Variants in NREP observed in about 807,000 individuals in gnomAD.
The protein encoded by NREP is neuronal regeneration related protein, also known as neuronal regeneration-related protein.
NREP carries 5 observed loss-of-function variants against 8.6 expected under a neutral mutation model. The ratio of observed to expected loss-of-function variants is 0.58; its 90% confidence interval spans 0.30 to 1.22. NREP has a LOEUF of 1.22. Ranked by LOEUF, NREP falls within the 50% of genes most tolerant of loss-of-function variation. The probability of loss-of-function intolerance (pLI) is 0.07; values close to 1 mark genes in which losing one functional copy is unlikely to be tolerated. For missense variants in NREP, 86 were observed against 82.5 expected (o/e 1.04, Z -0.17); for synonymous variants, 27 against 28.0 (o/e 0.96, Z 0.11).
At chr5:111,857,459 G>GA (rs1191509706) in intron 2 of NREP, among the ~76,000 whole-genome samples, 1 of 152,110 alleles carries the variant, frequency 6.6e-6, no homozygotes, top group Non-Finnish European at 1.5e-5. Context: ...ATCACGTAGT[G>GA]AAAAAATGAA....
At chr5:111,917,960 C>A (rs187979543) in intron 2 of NREP, among the ~76,000 whole-genome samples, 30 of 152,156 alleles carry the variant, frequency 2.0e-4, no homozygotes, top group African/African-American at 6.5e-4. Context: ...TTAGAAAACC[C>A]CATCATCTCA....
At chr5:111,969,141 C>CCAGAG (rs1423765402) in intron 2 of NREP, among the ~76,000 whole-genome samples, 7 of 152,134 alleles carry the variant, frequency 4.6e-5, no homozygotes, top group African/African-American at 1.4e-4. Context: ...AGATTGCCAG[C>CCAGAG]CTAAAAATGT....
At chr5:111,893,666 T>C (rs1462281493) in intron 2 of NREP, among the ~76,000 whole-genome samples, 1 of 150,548 alleles carries the variant, frequency 6.6e-6, no homozygotes, top group African/African-American at 2.4e-5. Context: ...ACAAGTTAAA[T>C]TGGTTAAGGG....
chr5:111,888,348 G>A (rs1443215588), intron 2 of NREP, among the ~76,000 whole-genome samples: 1 of 151,732 alleles, frequency 6.6e-6, no homozygotes, highest in Non-Finnish European at 1.5e-5. Context: ...GTGGCGGGGG[G>A]GGTCTCAGGA....
chr5:111,837,631 C>A (rs1170682948), intron 2 of NREP, among the ~76,000 whole-genome samples: 1 of 151,954 alleles, frequency 6.6e-6, no homozygotes, highest in Non-Finnish European at 1.5e-5. Flanking sequence ...ACAGGAAAGC[C>A]TCATGTTATA....
chr5:111,875,569 C>T (rs1247839018), intron 2 of NREP, among the ~76,000 whole-genome samples: 1 of 152,330 alleles, frequency 6.6e-6, no homozygotes, highest in East Asian at 1.9e-4. Context: ...TACTCCCTGT[C>T]TATGTATACT....
chr5:111,815,958 T>C (rs939069013), intron 2 of NREP, among the ~76,000 whole-genome samples: 3 of 152,056 alleles, frequency 2.0e-5, no homozygotes, highest in African/African-American at 7.2e-5. Context: ...GAAAATAATC[T>C]AAAACCACTC....
intron 2 of NREP, among the ~76,000 whole-genome samples, chr5:111,944,787 G>A (rs74318052): frequency 0.046 from 7,044 of 152,122 alleles, 205 homozygotes; most frequent in Non-Finnish European, 0.062. Context: ...GCTTCTTTGA[G>A]CCCCTGCTCA....
upstream of NREP, chr5:111,757,741 A>T: frequency 1.0e-6 from 1 of 984,090 alleles, no homozygotes; most frequent in Non-Finnish European, 1.2e-6. Flanking sequence ...CCCCGGGAGC[A>T]CGGCGCGCGC....
intron 2 of NREP, among the ~76,000 whole-genome samples, chr5:111,937,623 A>G (rs1415905600): frequency 6.6e-6 from 1 of 152,100 alleles, no homozygotes; most frequent in Non-Finnish European, 1.5e-5. Context: ...CATGTCAATT[A>G]CAAAATAGAA....
At position 111,730,060 on chromosome 5, in the gene NREP, G is replaced by A. The variant is rs927581566; in HGVS notation, c.*861C>T. ...TTTTCTTTCTCTAAGTCAGGCAGGC[G>A]AGGCTACGGAAAGGAAGAGATTTGG... On this transcript the variant is annotated 3_prime_UTR_variant, in exon 4 of 4. Coordinates refer to ENST00000257435, the MANE Select transcript of NREP (RefSeq NM_004772.4). 5 of 152,250 alleles carry A rather than the reference G, an allele frequency of 3.3e-5. No homozygotes were observed. Among genetic ancestry groups the A allele is most frequent in the Admixed American group, 3.3e-4 (5 of 15,250 alleles). 9.4% of individuals were successfully genotyped at this position (152,250 alleles called of 1,614,324 possible).
chr5:111,757,668 C>T, upstream of NREP: 1 of 983,694 alleles, frequency 1.0e-6, no homozygotes. Flanking sequence ...CGCGCCGTCC[C>T]CACTGCACCG....
At chr5:111,768,168 CCTCT>C (rs1282087743) in intron 2 of NREP, among the ~76,000 whole-genome samples, 1 of 152,082 alleles carries the variant, frequency 6.6e-6, no homozygotes, top group African/African-American at 2.4e-5. Context: ...AGAAGCTGCC[CCTCT>C]CTCTGTCTGT....
chr5:111,777,776 G>C (rs1482550298), intron 2 of NREP, among the ~76,000 whole-genome samples: 1 of 152,038 alleles, frequency 6.6e-6, no homozygotes, highest in Non-Finnish European at 1.5e-5. Flanking sequence ...GAGAAAACAA[G>C]GGAAATGTAT....
At chr5:111,944,496 T>C (rs1056839338) in intron 2 of NREP, among the ~76,000 whole-genome samples, 29 of 152,018 alleles carry the variant, frequency 1.9e-4, no homozygotes, top group African/African-American at 7.0e-4. Flanking sequence ...TTTGTAGAGA[T>C]GACGTCTTGC....
intron 2 of NREP, among the ~76,000 whole-genome samples, chr5:111,805,741 T>TGGCA (rs1752124643): frequency 6.7e-6 from 1 of 149,238 alleles, no homozygotes; most frequent in African/African-American, 2.5e-5. Context: ...AGGTGTTATA[T>TGGCA]ATGTTTACTA....
chr5:111,770,700 C>G (rs1751199084), intron 2 of NREP, among the ~76,000 whole-genome samples: 1 of 151,148 alleles, frequency 6.6e-6, no homozygotes, highest in Admixed American at 6.6e-5. Context: ...CTTCCGAGTA[C>G]CCTGGACTAC....
At chr5:111,965,325 T>G (rs1017058967) in intron 2 of NREP, among the ~76,000 whole-genome samples, 4 of 152,118 alleles carry the variant, frequency 2.6e-5, no homozygotes, top group Non-Finnish European at 4.4e-5. Context: ...ATTAAAATAT[T>G]TAATACACAC....
chr5:111,764,606 C>A (rs747499614), intron 2 of NREP, among the ~76,000 whole-genome samples: 2 of 152,176 alleles, frequency 1.3e-5, no homozygotes, highest in African/African-American at 4.8e-5. Context: ...GTCCCTCCCA[C>A]AACACGTGGG....
Sources: gnomAD v4.1 joint callset for allele counts (sites outside exome capture counted in the v4.1 genomes callset) on GRCh38, gnomAD v4.1.1 for gene constraint, MANE v1.5 for transcripts, NCBI Gene and HGNC (gene_info 2026-07-23, HGNC 2026-07-21) for gene names.